The following MAP2K6 variants were observed in gnomAD, a reference collection of about 807,000 sequenced individuals.
MAP2K6 encodes dual specificity mitogen-activated protein kinase kinase 6.
In MAP2K6, 16 loss-of-function variants were observed where a neutral mutation model predicts 53.7. The ratio of observed to expected loss-of-function variants is 0.30; its 90% confidence interval spans 0.20 to 0.45. The LOEUF (loss-of-function observed/expected upper bound fraction) is 0.45, where lower values mean the gene tolerates loss of function less well. MAP2K6 is among the 20% of genes least tolerant of loss of function. MAP2K6 has a pLI of 1.00. For missense variants in MAP2K6, 204 were observed against 411.9 expected, an observed-to-expected ratio of 0.50 and a Z score of 4.37; for synonymous variants, 132 against 143.1, an observed-to-expected ratio of 0.92 and a Z score of 0.55.
chr17:69,525,823 G>A (rs2521358), intron 9 of MAP2K6, among the ~76,000 whole-genome samples: 92,868 of 152,032 alleles, frequency 0.61, 28,653 homozygotes, highest in Middle Eastern at 0.72. Context: ...CAGCCCAACC[G>A]TATCAGTCAG....
chr17:69,447,948 G>A (rs1181055268), intron 1 of MAP2K6, among the ~76,000 whole-genome samples: 1 of 152,132 alleles, frequency 6.6e-6, no homozygotes, highest in African/African-American at 2.4e-5. Context: ...TGGCAAACAG[G>A]GCTGTTTCAA....
chr17:69,456,218 C>T (rs1296745563), intron 1 of MAP2K6, among the ~76,000 whole-genome samples: 1 of 152,128 alleles, frequency 6.6e-6, no homozygotes, highest in South Asian at 2.1e-4. Context: ...AGTTGATCAT[C>T]CTGTTTAGTG....
At chr17:69,429,870 T>A (rs1263893734) in intron 1 of MAP2K6, among the ~76,000 whole-genome samples, 1 of 151,952 alleles carries the variant, frequency 6.6e-6, no homozygotes, top group Non-Finnish European at 1.5e-5. Context: ...CCAGAGAAAG[T>A]CACAGGAAGG....
rs1366343701 is a variant in MAP2K6, at chr17:69,500,757, AAAAAAAAAG to A, written c.17-5014_17-5006del. ...GGTGACAGAGCAAGATTCCATCTCA[AAAAAAAAAG>A]AAAAAAAAAAAGAGGTTTTCAGCTT... On this transcript the variant is annotated intron_variant, in intron 1 of 11. Coordinates refer to ENST00000590474, the MANE Select transcript of MAP2K6 (RefSeq NM_002758.4). Among the ~76,000 whole-genome samples, 847 of 151,032 alleles carry A rather than the reference AAAAAAAAAG, an allele frequency of 5.6e-3. 8 individuals are homozygous for A. Among genetic ancestry groups the A allele is most frequent in the African/African-American group, 0.02 (801 of 41,050 alleles).
chr17:69,537,697 G>A (rs889846787), intron 11 of MAP2K6, among the ~76,000 whole-genome samples: 1 of 152,212 alleles, frequency 6.6e-6, no homozygotes, highest in African/African-American at 2.4e-5. Flanking sequence ...TTGGAGATGA[G>A]ACCATCTCAT....
At chr17:69,422,124 A>ATTTTTTTTT (rs35694490) in intron 1 of MAP2K6, among the ~76,000 whole-genome samples, 4 of 87,366 alleles carry the variant, frequency 4.6e-5, no homozygotes, top group Admixed American at 1.5e-4. Context: ...AATCATCGTA[A>ATTTTTTTTT]TTTTTTTTTT....
chr17:69,480,036 A>G (rs1389228291), intron 1 of MAP2K6, among the ~76,000 whole-genome samples: 1 of 152,210 alleles, frequency 6.6e-6, no homozygotes, highest in East Asian at 1.9e-4. Context: ...GCTCTTTCAC[A>G]GTATAAAGGG....
chr17:69,421,951 G>A (rs1281642197), intron 1 of MAP2K6, among the ~76,000 whole-genome samples: 2 of 151,852 alleles, frequency 1.3e-5, no homozygotes, highest in African/African-American at 4.8e-5. Flanking sequence ...CACCTCCACT[G>A]CCTCTGCCCA....
intron 1 of MAP2K6, among the ~76,000 whole-genome samples, chr17:69,420,138 A>G (rs1288583764): frequency 6.6e-6 from 1 of 152,186 alleles, no homozygotes; most frequent in Non-Finnish European, 1.5e-5. Context: ...ATAGCTATCC[A>G]GACCTATATG....
chr17:69,488,601 C>T (rs564847859), intron 1 of MAP2K6, among the ~76,000 whole-genome samples: 227 of 152,060 alleles, frequency 1.5e-3, no homozygotes, highest in Non-Finnish European at 2.7e-3. Context: ...TAAAAAAGAA[C>T]AAAAGCATGT....
chr17:69,516,948 T>C (rs1184596127), intron 3 of MAP2K6, 45 bp downstream of exon 3: 1 of 1,409,556 alleles, frequency 7.1e-7, no homozygotes, highest in South Asian at 1.2e-5. Flanking sequence ...GGCCATTTTA[T>C]ATGTATGCTT....
chr17:69,461,201 A>G (rs1407099940), intron 1 of MAP2K6, among the ~76,000 whole-genome samples: 4 of 152,184 alleles, frequency 2.6e-5, no homozygotes, highest in African/African-American at 7.2e-5. Flanking sequence ...CCTTTCAACA[A>G]GACAGCTCTT....
chr17:69,431,673 G>A (rs1161435861), intron 1 of MAP2K6, among the ~76,000 whole-genome samples: 1 of 152,142 alleles, frequency 6.6e-6, no homozygotes, highest in Admixed American at 6.5e-5. Context: ...TTCTTTATCT[G>A]GTCTATCCCC....
Position 69,542,270 on chromosome 17 carries a change from G to A in MAP2K6, c.*517G>A, listed in dbSNP as rs1911678148. ...ATTTTTTAAGTTCAATTGTGTCTGT[G>A]GTCCAGAAGAAATTATTTAATATGC... On this transcript the variant is annotated 3_prime_UTR_variant, in exon 12 of 12. Transcript: ENST00000590474. 6.6e-6 allele frequency: 1 copy of A among 152,450 alleles called. No homozygotes were observed. Among genetic ancestry groups the A allele is most frequent in the Admixed American group, 6.6e-5 (1 of 15,250 alleles). The allele number at this position is 152,450 out of a possible 1,614,324, so 9.4% of individuals were successfully genotyped here. A position where few individuals can be genotyped will look rare whatever the true frequency, so the allele number is the denominator to read the frequency against.
At chr17:69,451,431 T>C (rs930238321) in intron 1 of MAP2K6, among the ~76,000 whole-genome samples, 1 of 152,192 alleles carries the variant, frequency 6.6e-6, no homozygotes. Flanking sequence ...GACTCTTCAG[T>C]GCAGGCGATG....
chr17:69,418,038 T>C (rs1905959812), intron 1 of MAP2K6, among the ~76,000 whole-genome samples: 1 of 152,204 alleles, frequency 6.6e-6, no homozygotes, highest in African/African-American at 2.4e-5. Flanking sequence ...TTTGCTTCTG[T>C]AATTCATTCC....
rs941374612 is a variant in MAP2K6 at position 69,475,763 on chromosome 17, G to A, written c.17-30017G>A. On this transcript the variant is annotated intron_variant, in intron 1 of 11. Transcript: ENST00000590474. ...CCATGGGATGGTGTGTTTGAGAGGG[G>A]GCCCTGGCCTCTGGTCCCAGGGGTG... Among the ~76,000 whole-genome samples, 9 of 152,302 alleles carry A rather than the reference G, an allele frequency of 5.9e-5. No individual in the cohort carries two copies. The South Asian group carries it at 1.9e-3, about 32-fold the overall frequency.
chr17:69,510,066 A>G (rs1747548573), intron 2 of MAP2K6, among the ~76,000 whole-genome samples: 2 of 152,002 alleles, frequency 1.3e-5, no homozygotes, highest in Admixed American at 1.3e-4. Flanking sequence ...GCTGGTCTTG[A>G]ACTCATGGGC....
intron 1 of MAP2K6, among the ~76,000 whole-genome samples, chr17:69,496,588 C>T (rs911243332): frequency 6.6e-6 from 1 of 152,208 alleles, no homozygotes; most frequent in East Asian, 1.9e-4. Context: ...AGGCTGGTCT[C>T]GAACTCCTGA....
Sources: allele counts gnomAD v4.1 joint callset (sites outside exome capture counted in the v4.1 genomes callset), GRCh38; gene constraint gnomAD v4.1.1; transcripts MANE v1.5; gene names NCBI Gene and HGNC (gene_info 2026-07-23, HGNC 2026-07-21).